Variants in ZNF717 observed in about 807,000 individuals in gnomAD.
ZNF717 encodes zinc finger protein 717.
Under a neutral mutation model 13.8 loss-of-function variants are expected in ZNF717, and 9 were observed. The ratio of observed to expected loss-of-function variants is 0.65; its 90% confidence interval spans 0.39 to 1.14. The LOEUF is 1.14. ZNF717 is among the 50% of genes most tolerant of loss of function. ZNF717 has a pLI of 0.01. For missense variants in ZNF717, 1,040 were observed against 1,080.7 expected, an observed-to-expected ratio of 0.96 and a Z score of 0.53; for synonymous variants, 327 against 364.1, an observed-to-expected ratio of 0.90 and a Z score of 1.16.
intron 4 of ZNF717, among the ~76,000 whole-genome samples, chr3:75,721,970 G>A (rs1215146823): frequency 3.3e-4 from 50 of 151,942 alleles, no homozygotes; most frequent in Non-Finnish European, 6.9e-4. Context: ...AATATTTGCC[G>A]GGTGCGGTGG....
At chr3:75,712,157 G>GTTA (rs1937952453) in intron 5 of ZNF717, among the ~76,000 whole-genome samples, 1 of 151,856 alleles carries the variant, frequency 6.6e-6, no homozygotes, top group African/African-American at 2.4e-5. Context: ...CAAGCACAAT[G>GTTA]TTATGCCTTT....
chr3:75,781,584 T>A (rs762359534), intron 2 of ZNF717, among the ~76,000 whole-genome samples: 1 of 152,200 alleles, frequency 6.6e-6, no homozygotes, highest in Non-Finnish European at 1.5e-5. Context: ...TTAATATGAA[T>A]AGACTCTCCC....
At chr3:75,782,852 C>T (rs143513173) in intron 2 of ZNF717, among the ~76,000 whole-genome samples, 11 of 152,122 alleles carry the variant, frequency 7.2e-5, no homozygotes, top group East Asian at 3.9e-4. Context: ...GGATGACGAC[C>T]GTTTCCACTG....
intron 2 of ZNF717, among the ~76,000 whole-genome samples, chr3:75,765,435 G>A (rs1943387110): frequency 1.3e-5 from 2 of 152,160 alleles, no homozygotes; most frequent in Non-Finnish European, 2.9e-5. Context: ...TTTTGATACA[G>A]GGTCTTACTC....
Position 75,738,031 on chromosome 3 carries a change from C to G in ZNF717, c.1592G>C (p.Gly531Ala), listed in dbSNP as rs1939678308. ...TTCGTTACATGCGTATGGTTTTTCC[C>G]CAGCATGAGTTCTCTGATGGACAGT... is the stretch of plus-strand genomic sequence containing the variant. ...FLTVHQRTHAGEKPYACNECG... is the reference protein window; with the variant it reads ...FLTVHQRTHAAEKPYACNECG... The change falls in exon 5 of 5, where the codon GGG becomes GCG. Residue 531 changes from glycine (G) to alanine (A), a missense_variant. Physicochemically the swap from Gly to Ala is moderately conservative, Grantham distance 60 (BLOSUM62 0). Around this residue, in one of 3 missense-constraint regions of ZNF717, gnomAD observed 873 missense variants for 832.8 expected, o/e 1.05. Transcript: ENST00000652011. 1 of 1,342,528 alleles carries G rather than the reference C, an allele frequency of 7.4e-7. No homozygotes were observed. 83.2% of individuals were successfully genotyped at this position (1,342,528 alleles called of 1,614,324 possible). A position where few individuals can be genotyped will look rare whatever the true frequency, so the allele number is the denominator to read the frequency against.
At chr3:75,749,427 T>G (rs1575818705) in intron 2 of ZNF717, among the ~76,000 whole-genome samples, 1 of 151,932 alleles carries the variant, frequency 6.6e-6, no homozygotes, top group Non-Finnish European at 1.5e-5. Flanking sequence ...TCAACAACAC[T>G]CCTGCTGTGG....
chr3:75,759,848 T>C (rs77656177), intron 2 of ZNF717, among the ~76,000 whole-genome samples: 4,870 of 90,220 alleles, frequency 0.054, no homozygotes, highest in Non-Finnish European at 0.073. Context: ...GGATTACAGG[T>C]GTAAGCCACT....
At chr3:75,751,599 T>C (rs1393002705) in intron 2 of ZNF717, among the ~76,000 whole-genome samples, 1 of 151,370 alleles carries the variant, frequency 6.6e-6, no homozygotes, top group South Asian at 2.1e-4. Context: ...GTGGTCTGAA[T>C]GTTTATCCCT....
At chr3:75,697,365 C>T (rs1937615022) in intron 6 of ZNF717, among the ~76,000 whole-genome samples, 1 of 152,424 alleles carries the variant, frequency 6.6e-6, no homozygotes, top group Non-Finnish European at 1.5e-5. Context: ...TGGAGGTGGG[C>T]CTGGTGAAAG....
At chr3:75,761,625 C>T (rs78552466) in intron 2 of ZNF717, among the ~76,000 whole-genome samples, 1 of 151,444 alleles carries the variant, frequency 6.6e-6, no homozygotes, top group Non-Finnish European at 1.5e-5. Flanking sequence ...GTGTAAAAAT[C>T]CTGAAATTCC....
In ZNF717 at chr3:75,761,691, C is replaced by T. The variant is rs1192590518; in HGVS notation, c.58-19955G>A. On this transcript the variant is annotated intron_variant, in intron 2 of 4. Coordinates refer to ENST00000652011, the MANE Select transcript of ZNF717 (RefSeq NM_001290208.3). ...CAAAGTTTCAGGATACAGTAACACA[C>T]ACAAGTCAGTTGCATTTCTGTAAAC... Among the ~76,000 whole-genome samples the T allele has an allele frequency of 2.6e-5, 4 of 152,248 alleles. No individual in the cohort carries two copies. The East Asian group carries it at 7.7e-4, about 29-fold the overall frequency.
At chr3:75,778,399 C>T (rs1044054539) in intron 2 of ZNF717, among the ~76,000 whole-genome samples, 1 of 148,702 alleles carries the variant, frequency 6.7e-6, no homozygotes, top group African/African-American at 2.6e-5. Context: ...AACCGGAACC[C>T]AAAACAATGG....
At chr3:75,754,164 A>C (rs529991901) in intron 2 of ZNF717, among the ~76,000 whole-genome samples, 58 of 152,350 alleles carry the variant, frequency 3.8e-4, no homozygotes, top group African/African-American at 1.3e-3. Flanking sequence ...TGTGAGCAAT[A>C]ATCTCTGTTG....
exon 6 of ZNF717, chr3:75,730,563 G>T: frequency 1.4e-6 from 1 of 699,660 alleles, no homozygotes; most frequent in Non-Finnish European, 2.6e-6. Context: ...CCATACGTAG[G>T]GATGTCCAAT....
chr3:75,733,536 T>C (rs1434915175), downstream of ZNF717, among the ~76,000 whole-genome samples: 3 of 152,072 alleles, frequency 2.0e-5, no homozygotes, highest in African/African-American at 2.4e-5. Flanking sequence ...CCCAGTACTT[T>C]GGGAGGCCAA....
intron 2 of ZNF717, among the ~76,000 whole-genome samples, chr3:75,778,111 C>T (rs1309120296): frequency 1.3e-5 from 2 of 151,444 alleles, no homozygotes; most frequent in Non-Finnish European, 2.9e-5. Flanking sequence ...CGTGCTAAAA[C>T]CGGAACCCAA....
At chr3:75,723,521 AATC>A (rs1038068543) in intron 4 of ZNF717, among the ~76,000 whole-genome samples, 1 of 152,280 alleles carries the variant, frequency 6.6e-6, no homozygotes, top group African/African-American at 2.4e-5. Flanking sequence ...GAATATTAAT[AATC>A]ATTAGTTTGT....
In ZNF717 at chr3:75,735,927, T is replaced by C. The variant is rs1939129962; in HGVS notation, c.*951A>G. On this transcript the variant is annotated 3_prime_UTR_variant, in exon 5 of 5. Coordinates refer to ENST00000652011, the MANE Select transcript of ZNF717 (RefSeq NM_001290208.3). ...ATCACCTTTTTAACAAATTAAAGAT[T>C]TGTGGCCACGAAGTGCTCAGCAAGC... 1 of 152,176 alleles carries C rather than the reference T, an allele frequency of 6.6e-6. No individual in the cohort carries two copies. Among genetic ancestry groups the C allele is most frequent in the Non-Finnish European group, 1.5e-5 (1 of 68,050 alleles). 9.4% of individuals were successfully genotyped at this position (152,176 alleles called of 1,614,324 possible).
downstream of ZNF717, among the ~76,000 whole-genome samples, chr3:75,709,287 A>G (rs1435077803): frequency 6.6e-6 from 1 of 152,134 alleles, no homozygotes; most frequent in Non-Finnish European, 1.5e-5. Context: ...GGTGTGAGCC[A>G]CTGCACCCAG....
Sources: allele counts gnomAD v4.1 joint callset (sites outside exome capture counted in the v4.1 genomes callset), GRCh38; gene constraint gnomAD v4.1.1; regional missense constraint gnomAD v4.1.1; transcripts MANE v1.5; gene names NCBI Gene and HGNC (gene_info 2026-07-23, HGNC 2026-07-21).